Variants in LRP1B observed in about 807,000 individuals in gnomAD.
LRP1B encodes the protein LDL receptor related protein 1B, also known as low-density lipoprotein receptor-related protein 1B.
In LRP1B, 217 loss-of-function variants were observed where a neutral mutation model predicts 556.6. That is an observed-to-expected ratio of 0.39 (90% CI 0.35 to 0.44). LRP1B has a LOEUF of 0.44. Ranked by LOEUF, LRP1B falls within the 20% of genes least tolerant of loss-of-function variation. The pLI is 1.00. For synonymous variants in LRP1B, 2,047 were observed against 1,865.8 expected, an observed-to-expected ratio of 1.10 and a Z score of -2.50; for missense variants, 5,053 against 5,620.8, an observed-to-expected ratio of 0.90 and a Z score of 3.23.
chr2:140,690,836 A>G (rs1207389634), intron 41 of LRP1B, among the ~76,000 whole-genome samples: 1 of 152,172 alleles, frequency 6.6e-6, no homozygotes, highest in Admixed American at 6.5e-5. Flanking sequence ...TTCAGTACCT[A>G]ATAAAACAAT....
At chr2:141,318,203 TACTACACTAACACAAA>T (rs1011751917) in intron 3 of LRP1B, among the ~76,000 whole-genome samples, 9 of 152,018 alleles carry the variant, frequency 5.9e-5, no homozygotes, top group African/African-American at 2.2e-4. Flanking sequence ...CCATACCAGG[TACTACACTAACACAAA>T]GATTTGTAAC....
At chr2:141,222,589 T>C (rs1438033599) in intron 6 of LRP1B, among the ~76,000 whole-genome samples, 1 of 152,122 alleles carries the variant, frequency 6.6e-6, no homozygotes, top group Non-Finnish European at 1.5e-5. Flanking sequence ...AAGGAAACTT[T>C]AGTCCAATAT....
intron 2 of LRP1B, among the ~76,000 whole-genome samples, chr2:141,553,993 G>A (rs1348171909): frequency 7.3e-6 from 1 of 137,196 alleles, no homozygotes; most frequent in Admixed American, 7.7e-5. Flanking sequence ...CATAGATATA[G>A]ATTATATATA....
intron 7 of LRP1B, among the ~76,000 whole-genome samples, chr2:141,127,922 C>T (rs41375850): frequency 0.036 from 5,461 of 152,278 alleles, 150 homozygotes; most frequent in East Asian, 0.16. Context: ...CATGAGTCCA[C>T]GAACTGTGAG....
intron 35 of LRP1B, among the ~76,000 whole-genome samples, chr2:140,736,516 G>C (rs1305780505): frequency 6.6e-6 from 1 of 152,094 alleles, no homozygotes; most frequent in Non-Finnish European, 1.5e-5. Flanking sequence ...CATGGTACTG[G>C]TACCAAAACA....
intron 35 of LRP1B, among the ~76,000 whole-genome samples, chr2:140,754,807 G>A (rs992816848): frequency 2.0e-5 from 3 of 149,086 alleles, no homozygotes; most frequent in Non-Finnish European, 1.5e-5. Context: ...ACAAGGACAC[G>A]ATAAAGATTA....
chr2:141,686,303 T>C (rs1048602740), intron 2 of LRP1B, among the ~76,000 whole-genome samples: 1 of 151,928 alleles, frequency 6.6e-6, no homozygotes, highest in South Asian at 2.1e-4. Flanking sequence ...ATGGGCTTAT[T>C]ATATGAGATA....
At chr2:140,437,392 C>CA (rs1686232901) in intron 66 of LRP1B, among the ~76,000 whole-genome samples, 1 of 152,178 alleles carries the variant, frequency 6.6e-6, no homozygotes, top group African/African-American at 2.4e-5. Context: ...ACACCCGCTT[C>CA]ATTCACAAGT....
intron 2 of LRP1B, among the ~76,000 whole-genome samples, chr2:141,716,602 C>T (rs138119824): frequency 1.3e-5 from 2 of 152,144 alleles, no homozygotes; most frequent in Non-Finnish European, 1.5e-5. Context: ...AGGTGATCAG[C>T]TCACCAAACA....
At chr2:141,116,799 T>C (rs1245181260) in intron 7 of LRP1B, among the ~76,000 whole-genome samples, 1 of 152,202 alleles carries the variant, frequency 6.6e-6, no homozygotes, top group East Asian at 1.9e-4. Context: ...CAACAAAGAC[T>C]GGAAAGTATA....
intron 7 of LRP1B, among the ~76,000 whole-genome samples, chr2:141,075,481 A>T (rs1309990927): frequency 1.3e-5 from 2 of 152,100 alleles, no homozygotes; most frequent in African/African-American, 4.8e-5. Flanking sequence ...TTTCATGACC[A>T]AGGGCAGTGC....
intron 1 of LRP1B, among the ~76,000 whole-genome samples, chr2:141,818,834 AT>A (rs1433227715): frequency 4.0e-5 from 6 of 151,414 alleles, no homozygotes; most frequent in Non-Finnish European, 2.9e-5. Context: ...CCGCACCTGG[AT>A]AACATTTCTG....
At chr2:140,877,527 C>G (rs919370193) in intron 25 of LRP1B, among the ~76,000 whole-genome samples, 2 of 152,062 alleles carry the variant, frequency 1.3e-5, no homozygotes, top group Non-Finnish European at 2.9e-5. Context: ...TTGAGGCCCC[C>G]AAATCACTAA....
chr2:141,933,284 A>G (rs1411443226), intron 1 of LRP1B, among the ~76,000 whole-genome samples: 1 of 152,092 alleles, frequency 6.6e-6, no homozygotes, highest in Non-Finnish European at 1.5e-5. Context: ...AAATCACCCT[A>G]CTGAAAATAT....
At chr2:141,783,436 C>T (rs1462621072) in intron 2 of LRP1B, among the ~76,000 whole-genome samples, 1 of 152,006 alleles carries the variant, frequency 6.6e-6, no homozygotes, top group African/African-American at 2.4e-5. Context: ...CGTAGTCTCT[C>T]TCATCACATT....
At chr2:142,096,327 G>T (rs889320412) in intron 1 of LRP1B, among the ~76,000 whole-genome samples, 1 of 151,608 alleles carries the variant, frequency 6.6e-6, no homozygotes, top group Non-Finnish European at 1.5e-5. Context: ...CAGAAAAGGA[G>T]TTTAAAGTAA....
chr2:140,241,232 AAG>A (rs1214797198), intron 87 of LRP1B, among the ~76,000 whole-genome samples: 1 of 150,912 alleles, frequency 6.6e-6, no homozygotes, highest in Non-Finnish European at 1.5e-5. Context: ...CAATTAATGA[AAG>A]AGAATCTGGC....
intron 66 of LRP1B, among the ~76,000 whole-genome samples, chr2:140,406,181 G>A (rs913006408): frequency 2.0e-5 from 3 of 152,000 alleles, no homozygotes; most frequent in Admixed American, 6.5e-5. Context: ...AGTCATAGAC[G>A]GAACTTATGT....
chr2:141,441,085 A>AT (rs1314448949), intron 3 of LRP1B, among the ~76,000 whole-genome samples: 2 of 148,804 alleles, frequency 1.3e-5, no homozygotes, highest in African/African-American at 5.0e-5. Flanking sequence ...TTTTTATTTT[A>AT]TTTTTTTCTG....
Sources: allele counts gnomAD v4.1 joint callset (sites outside exome capture counted in the v4.1 genomes callset), GRCh38; gene constraint gnomAD v4.1.1; transcripts MANE v1.5; gene names NCBI Gene and HGNC (gene_info 2026-07-23, HGNC 2026-07-21).